RIGI: variants seen among roughly 807,000 people sequenced by gnomAD.
RIGI encodes antiviral innate immune response receptor RIG-I.
At chr9:32,455,320 G>T in the RIGI span, among the ~76,000 whole-genome samples, 2 of 152,142 alleles carry the variant, frequency 1.3e-5, no homozygotes, top group Non-Finnish European at 2.9e-5. Flanking sequence ...AAAGAAAAGA[G>T]GCTTAATAGA....
At chr9:32,517,993 T>C in the RIGI span, among the ~76,000 whole-genome samples, 8 of 152,184 alleles carry the variant, frequency 5.3e-5, no homozygotes, top group Non-Finnish European at 1.2e-4. Context: ...CTAAAAATTG[T>C]GGAATGGTTC....
the RIGI span, among the ~76,000 whole-genome samples, chr9:32,509,406 AG>A: frequency 1.3e-5 from 2 of 152,224 alleles, no homozygotes; most frequent in African/African-American, 2.4e-5. Context: ...AGGAAGGAAC[AG>A]GCAGCAATCT....
At chr9:32,511,223 GGACAAAGCTGACCTAGTA>G in the RIGI span, among the ~76,000 whole-genome samples, 1 of 152,068 alleles carries the variant, frequency 6.6e-6, no homozygotes, top group South Asian at 2.1e-4. Context: ...ACTCAGCTCT[GGACAAAGCTGACCTAGTA>G]GACATCTACA....
chr9:32,523,193 CTTG>C, the RIGI span, among the ~76,000 whole-genome samples: 16 of 152,300 alleles, frequency 1.1e-4, no homozygotes, highest in South Asian at 2.1e-4. Flanking sequence ...CTTGGCAAAA[CTTG>C]TTGTCTCAGT....
the RIGI span, among the ~76,000 whole-genome samples, chr9:32,475,837 A>G: frequency 6.6e-6 from 1 of 152,166 alleles, no homozygotes; most frequent in Non-Finnish European, 1.5e-5. Context: ...GTCAAAACTT[A>G]AAACTTTCCA....
chr9:32,493,955 A>G, the RIGI span: 1 of 1,550,808 alleles, frequency 6.4e-7, no homozygotes, highest in African/African-American at 1.4e-5. Flanking sequence ...GAAAAAAAAG[A>G]AAAAAAATGT....
chr9:32,488,326 T>C, the RIGI span: 1 of 1,049,830 alleles, frequency 9.5e-7, no homozygotes, highest in South Asian at 1.6e-5. Flanking sequence ...AGAATAGCTG[T>C]AGGCAAGTCC....
chr9:32,461,908 C>T, the RIGI span, among the ~76,000 whole-genome samples: 3 of 152,116 alleles, frequency 2.0e-5, no homozygotes, highest in Admixed American at 2.0e-4. Flanking sequence ...GTTTGTGACA[C>T]GTGAATAAGC....
the RIGI span, chr9:32,491,477 G>C: frequency 7.1e-7 from 1 of 1,413,800 alleles, no homozygotes; most frequent in Non-Finnish European, 9.6e-7. Context: ...TAGTTTTGAT[G>C]GTGAAAGCTC....
At chr9:32,478,447 G>A in the RIGI span, among the ~76,000 whole-genome samples, 2 of 152,158 alleles carry the variant, frequency 1.3e-5, no homozygotes, top group Non-Finnish European at 2.9e-5. Flanking sequence ...ATGTGCTGCT[G>A]CTCATCTCTT....
At chr9:32,467,639 G>T in the RIGI span, 1 of 888,568 alleles carries the variant, frequency 1.1e-6, no homozygotes, top group Non-Finnish European at 1.6e-6. Flanking sequence ...ATACCAAAGT[G>T]CACTGTGCCA....
the RIGI span, among the ~76,000 whole-genome samples, chr9:32,524,596 G>GTTTTTTTTTTTTTTTTTTT: frequency 1.6e-4 from 11 of 67,584 alleles, 2 homozygotes; most frequent in African/African-American, 2.4e-4. Flanking sequence ...TTGTTTTTCG[G>GTTTTTTTTTTTTTTTTTTT]TTTTTTTTTT....
chr9:32,460,948 C>A, the RIGI span, among the ~76,000 whole-genome samples: 546 of 151,728 alleles, frequency 3.6e-3, 4 homozygotes, highest in African/African-American at 0.012. Flanking sequence ...AGAAGCTGAA[C>A]AAGCTCCAAA....
the RIGI span, among the ~76,000 whole-genome samples, chr9:32,515,255 T>C: frequency 7.4e-5 from 11 of 149,492 alleles, no homozygotes; most frequent in African/African-American, 2.7e-4. Context: ...GAAGTGGATG[T>C]TGCAGTGAGC....
the RIGI span, among the ~76,000 whole-genome samples, chr9:32,521,706 T>C: frequency 6.6e-6 from 1 of 152,194 alleles, no homozygotes; most frequent in Non-Finnish European, 1.5e-5. Context: ...TGAGGTGGTA[T>C]TTAACTTCCT....
chr9:32,492,495 ACC>A, the RIGI span: 1 of 1,614,172 alleles, frequency 6.2e-7, no homozygotes, highest in East Asian at 2.2e-5. Context: ...AAGGCATTCC[ACC>A]AATTTCTCTG....
the RIGI span, among the ~76,000 whole-genome samples, chr9:32,517,896 T>C: frequency 1.4e-4 from 21 of 152,210 alleles, no homozygotes; most frequent in African/African-American, 5.1e-4. Context: ...ATGCTGTAAA[T>C]GAACTTTTGG....
At chr9:32,489,367 T>C in the RIGI span, 2 of 1,612,590 alleles carry the variant, frequency 1.2e-6, no homozygotes, top group South Asian at 1.1e-5. Context: ...TATTATTGTG[T>C]TTTTTCCTTT....
chr9:32,508,239 A>ATTTTTT, the RIGI span, among the ~76,000 whole-genome samples: 31,896 of 70,278 alleles, frequency 0.45, 10,200 homozygotes, highest in East Asian at 0.83. Flanking sequence ...TATTTACTTA[A>ATTTTTT]TTTTTTTTTT....
Sources: gnomAD v4.1 joint callset for allele counts (sites outside exome capture counted in the v4.1 genomes callset) on GRCh38, gnomAD v4.1.1 for gene constraint, MANE v1.5 for transcripts, NCBI Gene and HGNC (gene_info 2026-07-23, HGNC 2026-07-21) for gene names.